Variants in CRYM observed in about 807,000 individuals in gnomAD.
The protein encoded by CRYM is crystallin mu.
A neutral mutation model predicts 32.9 loss-of-function variants in CRYM; 18 were observed. The ratio of observed to expected loss-of-function variants is 0.55; its 90% CI spans 0.38 to 0.81. The LOEUF is 0.81. Ranked by LOEUF, CRYM falls within the 30% of genes least tolerant of loss-of-function variation. CRYM has a pLI of 0.00. For synonymous variants in CRYM, 153 were observed against 152.4 expected (o/e 1.00, Z -0.03); for missense variants, 337 against 393.5 (o/e 0.86, Z 1.21).
At chr16:21,267,099 T>C (rs2093365245) in intron 5 of CRYM, among the ~76,000 whole-genome samples, 1 of 152,120 alleles carries the variant, frequency 6.6e-6, no homozygotes, top group African/African-American at 2.4e-5. Context: ...GGAGCAAATA[T>C]TGTTTGTTTG....
rs552662769 is a variant in CRYM, at chr16:21,293,848, G to T, written c.-193+9130C>A. On this transcript the variant is annotated intron_variant, in intron 1 of 9. Transcript: ENST00000219599. ...TTCATCCATTAAATCACTTGTTATTGTTGGTTCAGATAATCAATTTAATAT... is the reference window on the plus strand; with the variant it reads ...TTCATCCATTAAATCACTTGTTATTTTTGGTTCAGATAATCAATTTAATAT... Among the ~76,000 whole-genome samples, 8 of 152,264 alleles carry T rather than the reference G, an allele frequency of 5.3e-5. 1 individual carries two copies. In the South Asian group the frequency reaches 1.5e-3, roughly 28 times the overall value.
chr16:21,277,023 G>A lies in CRYM; in HGVS notation c.324+408C>T, dbSNP rs1222657522. ...ATTAGATATTAAAACAGGTCACACCGTATACCCCTCTGAAGACTCCCAGGG... is the reference window on the plus strand; with the variant it reads ...ATTAGATATTAAAACAGGTCACACCATATACCCCTCTGAAGACTCCCAGGG... On this transcript the variant is annotated intron_variant, in intron 2 of 7. Coordinates refer to ENST00000572914, the MANE Select transcript of CRYM (RefSeq NM_001376256.1). The surrounding 1 kb of genome is among the most constrained non-coding windows in gnomAD (Gnocchi z 4.2). 1.3e-5 allele frequency among the ~76,000 whole-genome samples: 2 copies of A among 152,116 alleles called. No individual in the cohort carries two copies. The highest frequency in any genetic ancestry group is 2.9e-5 in the Non-Finnish European group (2 of 68,020).
rs377236690 is a variant in CRYM, at chr16:21,274,849, G to A, written c.387+683C>T. On this transcript the variant is annotated intron_variant, in intron 3 of 7. Transcript: ENST00000572914. The stretch of plus-strand genomic sequence containing the variant: ...TCCAACTCCTGAGCTCAAGTGATAC[G>A]CCTGCCTCAGCCTCCCAAAATGTTG... Among the ~76,000 whole-genome samples the A allele has an allele frequency of 5.2e-4, 79 of 152,142 alleles. 1 individual carries two copies. The South Asian group carries it at 0.015, about 29-fold the overall frequency.
rs1458485276 is a variant in CRYM, at chr16:21,269,865, C to T, written c.414G>A (p.Val138=). 6.2e-7 allele frequency: 1 copy of T among 1,613,196 alleles called. No homozygotes were observed. Among genetic ancestry groups the T allele is most frequent in the African/African-American group, 1.3e-5 (1 of 74,696 alleles). ...GGACCCCAGCCCCAAGGATGCACAG[C>T]ACTTCACTGCTGGGAGGTTTCAGAA... ...TKFLKPPSSE[V]LCILGAGVQA... Residue 138 remains valine (V), a synonymous_variant, in exon 4 of 8, where the codon GTG becomes GTA. Transcript: ENST00000572914.
rs181574906 is a variant in CRYM at position 21,270,463 on chromosome 16, C to T, written c.388-572G>A. Among the ~76,000 whole-genome samples the T allele has an allele frequency of 1.3e-3, 193 of 151,878 alleles. 1 individual carries two copies. Among genetic ancestry groups the T allele is most frequent in the African/African-American group, 4.5e-3 (185 of 41,444 alleles). ...AACACCCAGCTAATTTTTGTATTTT[C>T]GATAGAGATGGGGTTTCACCATGTT... On this transcript the variant is annotated intron_variant, in intron 3 of 7. Coordinates refer to ENST00000572914, the MANE Select transcript of CRYM (RefSeq NM_001376256.1).
chr16:21,296,282 G>A (rs1024464312), intron 1 of CRYM, among the ~76,000 whole-genome samples: 3 of 152,148 alleles, frequency 2.0e-5, no homozygotes, highest in African/African-American at 7.2e-5. Flanking sequence ...CTTTTCAAGA[G>A]CTAATAGTGT....
chr16:21,259,830 G>A (rs2093351119), intron 7 of CRYM, among the ~76,000 whole-genome samples: 1 of 152,154 alleles, frequency 6.6e-6, no homozygotes, highest in African/African-American at 2.4e-5. Context: ...TGCTTGATAC[G>A]CATCTGTTAG....
Position 21,258,700 on chromosome 16 carries a change from A to C in CRYM, c.*81T>G. 5 of 1,164,548 alleles carry C rather than the reference A, an allele frequency of 4.3e-6. No homozygotes were observed. Among genetic ancestry groups the C allele is most frequent in the Non-Finnish European group, 6.5e-6 (5 of 772,624 alleles). 72.1% of individuals were successfully genotyped at this position (1,164,548 alleles called of 1,614,324 possible). A position where few individuals can be genotyped will look rare whatever the true frequency, so the allele number is the denominator to read the frequency against. ...AAAAGGAGAGTTCACTGGGGACTGG[A>C]CTCCCTCATTTACTCTAGAAATTAT... On this transcript the variant is annotated 3_prime_UTR_variant, in exon 8 of 8. Coordinates refer to ENST00000572914, the MANE Select transcript of CRYM (RefSeq NM_001376256.1).
At chr16:21,282,388 C>T (rs1038817137), upstream of CRYM, among the ~76,000 whole-genome samples, 1 of 151,820 alleles carries the variant, frequency 6.6e-6, no homozygotes, top group Non-Finnish European at 1.5e-5. Flanking sequence ...GCTGTAACCT[C>T]GTATAAGAAA....
At position 21,277,435 on chromosome 16, in the gene CRYM, A is replaced by T; in HGVS notation, c.320T>A (p.Leu107Gln). 6.2e-7 allele frequency: 1 copy of T among 1,613,194 alleles called. No individual in the cohort carries two copies. The highest frequency in any genetic ancestry group is 8.5e-7 in the Non-Finnish European group (1 of 1,179,938). The change falls in exon 2 of 8, where the codon CTG becomes CAG. Residue 107 changes from leucine (L) to glutamine (Q), a missense_variant. Physicochemically the swap from Leu to Gln is moderately radical, Grantham distance 113 (BLOSUM62 -2). Coordinates refer to ENST00000572914, the MANE Select transcript of CRYM (RefSeq NM_001376256.1). This position sits in a 1 kb window ranked among gnomAD's most constrained non-coding sequence, Gnocchi z 4.2. Reference protein sequence around the residue: ...LLFEPSNGTLLAVMDGNVITA... With the variant: ...LLFEPSNGTLQAVMDGNVITA... ...CCGGGACAGGAAGTTGCTCACCGCCAGCAGGGTGCCATTGCTGGGCTCAAA... is the reference window on the plus strand; with the variant it reads ...CCGGGACAGGAAGTTGCTCACCGCCTGCAGGGTGCCATTGCTGGGCTCAAA...
intron 7 of CRYM, among the ~76,000 whole-genome samples, chr16:21,259,309 T>C (rs2093350120): frequency 6.6e-6 from 1 of 151,656 alleles, no homozygotes; most frequent in Non-Finnish European, 1.5e-5. Context: ...GGTTTCACCA[T>C]GTTGACCAGG....
intron 3 of CRYM, among the ~76,000 whole-genome samples, chr16:21,272,734 C>G (rs1040860596): frequency 4.0e-5 from 6 of 151,258 alleles, no homozygotes; most frequent in African/African-American, 1.5e-4. Context: ...ACTGTAACCT[C>G]CGCCTCCAGG....
intron 3 of CRYM, among the ~76,000 whole-genome samples, chr16:21,270,596 T>C (rs945537641): frequency 1.3e-5 from 2 of 152,110 alleles, no homozygotes; most frequent in African/African-American, 4.8e-5. Flanking sequence ...GTCTTACAAC[T>C]ATTGAAGGGC....
In CRYM at chr16:21,271,897, C is replaced by T. The variant is rs535904700; in HGVS notation, c.388-2006G>A. Among the ~76,000 whole-genome samples, 28 of 151,686 alleles carry T rather than the reference C, an allele frequency of 1.8e-4. No homozygotes were observed. The East Asian group carries it at 3.3e-3, about 18-fold the overall frequency. On this transcript the variant is annotated intron_variant, in intron 3 of 7. Coordinates refer to ENST00000572914, the MANE Select transcript of CRYM (RefSeq NM_001376256.1). ...TTTTTCCGAGACAGTCTCGCTTTGT[C>T]GCCCAGGCTGGAATGCAGCGGTGTG...
At chr16:21,272,651 ATTT>A (rs11353509) in intron 3 of CRYM, among the ~76,000 whole-genome samples, 5 of 133,412 alleles carry the variant, frequency 3.7e-5, no homozygotes, top group Admixed American at 1.5e-4. Context: ...ATTGGTGTGA[ATTT>A]TTTTTTTTTT....
chr16:21,265,648 G>A (rs1036366847), intron 5 of CRYM, among the ~76,000 whole-genome samples: 11 of 152,172 alleles, frequency 7.2e-5, no homozygotes, highest in East Asian at 1.9e-4. Context: ...CCTGGCACAC[G>A]GTAGAGATTC....
At chr16:21,259,346 G>A (rs2093350192) in intron 7 of CRYM, among the ~76,000 whole-genome samples, 1 of 151,648 alleles carries the variant, frequency 6.6e-6, no homozygotes, top group South Asian at 2.1e-4. Flanking sequence ...GACCTCAGGC[G>A]ATCCGCCCAC....
chr16:21,299,309 A>T (rs1290548971), intron 1 of CRYM, among the ~76,000 whole-genome samples: 4 of 148,190 alleles, frequency 2.7e-5, no homozygotes, highest in Non-Finnish European at 6.0e-5. Flanking sequence ...TTTTTTTTTA[A>T]TTTTTTTTTT....
intron 1 of CRYM, chr16:21,300,345 T>G (rs1311300800): frequency 6.6e-6 from 1 of 151,964 alleles, no homozygotes; most frequent in Non-Finnish European, 1.5e-5. Context: ...GTAACTGTGT[T>G]TTTATTGCTG....
Sources: gnomAD v4.1 joint callset for allele counts (sites outside exome capture counted in the v4.1 genomes callset) on GRCh38, gnomAD v4.1.1 for gene constraint, Gnocchi (gnomAD v3.1) non-coding constraint, MANE v1.5 for transcripts, NCBI Gene and HGNC (gene_info 2026-07-23, HGNC 2026-07-21) for gene names.